Variants in MYT1L observed in about 807,000 individuals in gnomAD.
MYT1L encodes myelin transcription factor 1 like.
In MYT1L, 12 loss-of-function variants were observed where a neutral mutation model predicts 126.7. That is an observed-to-expected ratio of 0.09 (90% CI 0.06 to 0.15). MYT1L has a LOEUF of 0.15. Among genes scored for constraint, MYT1L ranks in the 10% least tolerant of loss-of-function variants. The probability of loss-of-function intolerance (pLI) is 1.00; values close to 1 mark genes in which losing one functional copy is unlikely to be tolerated. For synonymous variants in MYT1L, 541 were observed against 604.2 expected, an observed-to-expected ratio of 0.90 and a Z score of 1.53; for missense variants, 979 against 1,585.2, an observed-to-expected ratio of 0.62 and a Z score of 6.49.
At chr2:2,295,170 G>A (rs1368672009) in intron 1 of MYT1L, among the ~76,000 whole-genome samples, 6 of 152,202 alleles carry the variant, frequency 3.9e-5, no homozygotes, top group Admixed American at 2.0e-4. Flanking sequence ...CAGGAAAGAG[G>A]AAGCTGAGAC....
chr2:2,277,832 G>T (rs1172556815), intron 2 of MYT1L, among the ~76,000 whole-genome samples: 1 of 152,108 alleles, frequency 6.6e-6, no homozygotes, highest in African/African-American at 2.4e-5. Flanking sequence ...CAGTGTTATG[G>T]CTAAGCTACC....
At chr2:1,827,880 C>T (rs939819008) in intron 21 of MYT1L, 1 of 152,168 alleles carries the variant, frequency 6.6e-6, no homozygotes, top group Admixed American at 6.5e-5. Context: ...TCCCCCACAC[C>T]TCCAGACACC....
intron 8 of MYT1L, among the ~76,000 whole-genome samples, chr2:1,952,837 CT>C (rs1244343622): frequency 0.018 from 1,271 of 70,950 alleles, 49 homozygotes; most frequent in Non-Finnish European, 0.022. Flanking sequence ...CCCTCCTTCC[CT>C]TACCTTTGCC....
At position 1,806,482 on chromosome 2, in the gene MYT1L, G is replaced by A. The variant is rs529839146; in HGVS notation, c.3172+2594C>T. On this transcript the variant is annotated intron_variant, in intron 22 of 24. Transcript: ENST00000647738. This position sits in a 1 kb window ranked among gnomAD's most constrained non-coding sequence, Gnocchi z 4.9. ...GGTGGCCCTGGAATGCCCGTGTCCC[G>A]GCTGCTTTCTGGTGGGATGACACCC... Among the ~76,000 whole-genome samples the A allele has an allele frequency of 2.6e-4, 40 of 152,318 alleles. No individual in the cohort carries two copies. Among genetic ancestry groups the A allele is most frequent in the Middle Eastern group, 3.4e-3 (1 of 294 alleles).
At chr2:1,963,849 C>T (rs2059141958) in intron 8 of MYT1L, among the ~76,000 whole-genome samples, 1 of 152,168 alleles carries the variant, frequency 6.6e-6, no homozygotes, top group Non-Finnish European at 1.5e-5. Flanking sequence ...TCTATCTAGA[C>T]TGCTCAAACT....
At chr2:2,003,363 C>T (rs1265205869) in intron 4 of MYT1L, among the ~76,000 whole-genome samples, 1 of 152,122 alleles carries the variant, frequency 6.6e-6, no homozygotes, top group Non-Finnish European at 1.5e-5. Flanking sequence ...TCCAAGTTCC[C>T]TGTGACAGTG....
chr2:1,942,301 A>T (rs2056744674), intron 9 of MYT1L, among the ~76,000 whole-genome samples: 1 of 152,204 alleles, frequency 6.6e-6, no homozygotes, highest in Admixed American at 6.5e-5. Flanking sequence ...CATGAAAGCC[A>T]TGTCACCGTA....
At chr2:1,961,769 A>G (rs1001068122) in intron 8 of MYT1L, among the ~76,000 whole-genome samples, 1 of 152,262 alleles carries the variant, frequency 6.6e-6, no homozygotes, top group Non-Finnish European at 1.5e-5. Context: ...ACTGCAATGA[A>G]GTGAACACTG....
At chr2:1,899,642 G>GTGC (rs1444357508) in intron 14 of MYT1L, among the ~76,000 whole-genome samples, 1 of 152,196 alleles carries the variant, frequency 6.6e-6, no homozygotes, top group East Asian at 1.9e-4. Flanking sequence ...ACCACTGGCT[G>GTGC]TGCTCACCAT....
chr2:1,948,039 G>A (rs868097222), intron 8 of MYT1L, among the ~76,000 whole-genome samples: 3 of 152,250 alleles, frequency 2.0e-5, no homozygotes, highest in East Asian at 3.9e-4. Flanking sequence ...TAGAAGCGTC[G>A]GCTGTTCCTT....
chr2:1,892,045 C>T lies in MYT1L; in HGVS notation c.2275G>A (p.Ala759Thr), dbSNP rs991382724. The change falls in exon 15 of 25, where the codon GCC (alanine) becomes ACC (threonine). Residue 759 changes from alanine (A) to threonine (T), a missense_variant. Physicochemically the swap from Ala to Thr is moderately conservative, Grantham distance 58 (BLOSUM62 0). Coordinates refer to ENST00000647738, the MANE Select transcript of MYT1L (RefSeq NM_001303052.2). ...NLSTKPQDLCATRNPDMEVDE... is the reference protein window; with the variant it reads ...NLSTKPQDLCTTRNPDMEVDE... Reference sequence around the variant, plus strand: ...TGCCCAGGCGCGCGTACCCGCGTGGCGCACAGGTCCTGCGGCTTGGTGCTC... The same window carrying T: ...TGCCCAGGCGCGCGTACCCGCGTGGTGCACAGGTCCTGCGGCTTGGTGCTC... The T allele has an allele frequency of 1.3e-5, 20 of 1,530,288 alleles. No individual in the cohort carries two copies. The African/African-American group carries it at 1.6e-4, about 13-fold the overall frequency. 94.8% of individuals were successfully genotyped at this position (1,530,288 alleles called of 1,614,324 possible). A position where few individuals can be genotyped will look rare whatever the true frequency, so the allele number is the denominator to read the frequency against.
At chr2:1,970,312 T>C (rs1411788054) in intron 8 of MYT1L, among the ~76,000 whole-genome samples, 3 of 152,136 alleles carry the variant, frequency 2.0e-5, no homozygotes, top group Non-Finnish European at 4.4e-5. Flanking sequence ...CTCATGAACC[T>C]GGCTACTCCA....
chr2:1,800,239 C>T (rs537686264), intron 23 of MYT1L: 2 of 152,418 alleles, frequency 1.3e-5, no homozygotes, highest in African/African-American at 4.8e-5. Context: ...TCCATGGCCT[C>T]GGCTGGTCCC....
chr2:1,998,976 T>C (rs1346366747), intron 4 of MYT1L, among the ~76,000 whole-genome samples: 4 of 152,236 alleles, frequency 2.6e-5, no homozygotes, highest in Non-Finnish European at 5.9e-5. Context: ...ATGCTCTACA[T>C]GTGACCCAAG....
chr2:1,963,377 A>G (rs2059114911), intron 8 of MYT1L, among the ~76,000 whole-genome samples: 1 of 152,212 alleles, frequency 6.6e-6, no homozygotes, highest in Non-Finnish European at 1.5e-5. Flanking sequence ...TATAATTCTT[A>G]AGGGCCTTAG....
chr2:2,249,858 G>C (rs1033519596), intron 2 of MYT1L, among the ~76,000 whole-genome samples: 5 of 151,980 alleles, frequency 3.3e-5, no homozygotes, highest in Admixed American at 2.0e-4. Flanking sequence ...TAAAAAATGG[G>C]CAAAAGATTT....
intron 1 of MYT1L, among the ~76,000 whole-genome samples, chr2:2,297,671 A>G (rs1456829311): frequency 6.6e-6 from 1 of 152,172 alleles, no homozygotes; most frequent in Non-Finnish European, 1.5e-5. Context: ...TCACTCCAGA[A>G]GGTTCCAGGG....
intron 3 of MYT1L, among the ~76,000 whole-genome samples, chr2:2,071,365 G>A (rs2074575454): frequency 1.3e-5 from 2 of 152,270 alleles, no homozygotes; most frequent in South Asian, 4.2e-4. Context: ...ATATTTGTGT[G>A]TTCTACTACG....
chr2:1,936,129 G>T lies in MYT1L; in HGVS notation c.505+6853C>A, dbSNP rs1286817938. On this transcript the variant is annotated intron_variant, in intron 9 of 24. Transcript: ENST00000647738. ...GTAGAGACAGGGTTTTGGCCTGTTGGCCAAGCTGGTCTCAAACTCCTGACC... is the reference window on the plus strand; with the variant it reads ...GTAGAGACAGGGTTTTGGCCTGTTGTCCAAGCTGGTCTCAAACTCCTGACC... Among the ~76,000 whole-genome samples the T allele has an allele frequency of 2.0e-5, 3 of 152,106 alleles. No individual in the cohort carries two copies. The East Asian group carries it at 5.8e-4, about 29-fold the overall frequency.
Sources: allele counts gnomAD v4.1 joint callset (sites outside exome capture counted in the v4.1 genomes callset), GRCh38; gene constraint gnomAD v4.1.1; non-coding constraint Gnocchi (gnomAD v3.1); transcripts MANE v1.5; gene names NCBI Gene and HGNC (gene_info 2026-07-23, HGNC 2026-07-21).